SHISA9: variants seen among roughly 807,000 people sequenced by gnomAD.
SHISA9 encodes protein shisa-9.
In SHISA9, 13 loss-of-function variants were observed where a neutral mutation model predicts 38.0. That is an observed-to-expected ratio of 0.34 (90% CI 0.22 to 0.54). The LOEUF is 0.54. SHISA9 is among the 20% of genes least tolerant of loss of function. The pLI, the probability that SHISA9 is intolerant of heterozygous loss-of-function variation, is 0.91. For missense variants in SHISA9, 538 were observed against 575.8 expected, an observed-to-expected ratio of 0.93 and a Z score of 0.67; for synonymous variants, 275 against 242.0, an observed-to-expected ratio of 1.14 and a Z score of -1.27.
At chr16:13,401,505 G>C in the SHISA9 span, among the ~76,000 whole-genome samples, 3 of 152,074 alleles carry the variant, frequency 2.0e-5, no homozygotes, top group Non-Finnish European at 2.9e-5. Context: ...CAGTGGGACT[G>C]TATTTGAACA....
the SHISA9 span, among the ~76,000 whole-genome samples, chr16:13,375,591 G>T: frequency 6.6e-6 from 1 of 152,144 alleles, no homozygotes; most frequent in Non-Finnish European, 1.5e-5. Flanking sequence ...AGTATAGTTT[G>T]AAGTCAGGTA....
rs956217233 is a variant in SHISA9 at position 13,240,181 on chromosome 16, G to GT, written c.*4778dup. The GT allele has an allele frequency of 6.6e-6, 1 of 152,126 alleles. No individual in the cohort carries two copies. The highest frequency in any genetic ancestry group is 2.4e-5 in the African/African-American group (1 of 41,410). The allele number at this position is 152,126 out of a possible 1,614,324, so 9.4% of individuals were successfully genotyped here. The stretch of plus-strand genomic sequence containing the variant: ...TGGCCTCCCCATCTAACTCTTCCCA[G>GT]TTTTTTGTGTAAATGGAGCATATTT... On this transcript the variant is annotated 3_prime_UTR_variant, in exon 5 of 5. Transcript: ENST00000558583.
chr16:13,015,683 C>T (rs1371255405), intron 2 of SHISA9, among the ~76,000 whole-genome samples: 2 of 152,102 alleles, frequency 1.3e-5, no homozygotes, highest in African/African-American at 2.4e-5. Flanking sequence ...CTGAAGGGGA[C>T]TGTTACCCTA....
chr16:13,037,364 T>C (rs530613260), intron 2 of SHISA9, among the ~76,000 whole-genome samples: 13 of 152,168 alleles, frequency 8.5e-5, no homozygotes, highest in East Asian at 3.9e-4. Flanking sequence ...GCTTTTTTTT[T>C]TCTCTCTCTC....
chr16:13,265,388 TTCCTC>T, the SHISA9 span, among the ~76,000 whole-genome samples: 4 of 78,132 alleles, frequency 5.1e-5, no homozygotes, highest in Non-Finnish European at 9.7e-5. Context: ...CTTCCCTCCC[TTCCTC>T]TCCTCTCCTC....
the SHISA9 span, among the ~76,000 whole-genome samples, chr16:13,386,318 C>T: frequency 6.6e-6 from 1 of 152,072 alleles, no homozygotes; most frequent in Non-Finnish European, 1.5e-5. Flanking sequence ...CAATGGTTTC[C>T]ATCTGTAGTC....
chr16:13,158,774 AGC>A (rs938578014), intron 2 of SHISA9, among the ~76,000 whole-genome samples: 4 of 152,050 alleles, frequency 2.6e-5, no homozygotes, highest in African/African-American at 9.7e-5. Context: ...AACACAGCAA[AGC>A]CCAGGCATGG....
In SHISA9 at chr16:12,916,691, C is replaced by T. The variant is rs1034201396; in HGVS notation, c.567C>T (p.Ala189=). The change falls in exon 2 of 5, where the codon GCC becomes GCT. Residue 189 remains alanine, a synonymous_variant. Coordinates refer to ENST00000558583, the MANE Select transcript of SHISA9 (RefSeq NM_001145204.3). ...HRPQREHMSR[A]LADVMRPQGH... ...TTTAAATTCTTTCTTCTTTCAGGGC[C>T]CTTGCGGATGTCATGAGACCACAGG... The T allele has an allele frequency of 1.1e-5, 17 of 1,549,322 alleles. No individual in the cohort carries two copies. Among genetic ancestry groups the T allele is most frequent in the Non-Finnish European group, 1.5e-5 (17 of 1,146,272 alleles).
chr16:12,903,941 ATT>A (rs35536642), intron 1 of SHISA9, among the ~76,000 whole-genome samples: 2 of 148,574 alleles, frequency 1.3e-5, no homozygotes, highest in Admixed American at 1.3e-4. Context: ...ATCCGATGAG[ATT>A]TTTTTTTTTC....
chr16:12,947,618 A>C (rs2071704242), intron 2 of SHISA9, among the ~76,000 whole-genome samples: 1 of 152,248 alleles, frequency 6.6e-6, no homozygotes, highest in African/African-American at 2.4e-5. Context: ...ACATCGGGAC[A>C]GCAGCTCTTG....
intron 4 of SHISA9, among the ~76,000 whole-genome samples, chr16:13,233,083 T>C (rs1410655489): frequency 6.6e-6 from 1 of 152,204 alleles, no homozygotes; most frequent in Non-Finnish European, 1.5e-5. Flanking sequence ...CTTTCTTCTT[T>C]GTCATGTAAT....
chr16:13,192,725 A>G (rs1162184733), intron 2 of SHISA9, among the ~76,000 whole-genome samples: 38 of 152,094 alleles, frequency 2.5e-4, no homozygotes, highest in Admixed American at 2.4e-3. Context: ...AATACAAAAA[A>G]TTACCCGGGC....
At chr16:13,259,073 C>G in the SHISA9 span, among the ~76,000 whole-genome samples, 1 of 152,142 alleles carries the variant, frequency 6.6e-6, no homozygotes, top group Non-Finnish European at 1.5e-5. Flanking sequence ...CCTGTAAAAT[C>G]GAAAGCAAGC....
At chr16:13,037,111 C>CAGACAG (rs1318865575) in intron 2 of SHISA9, among the ~76,000 whole-genome samples, 2,349 of 53,572 alleles carry the variant, frequency 0.044, 107 homozygotes, top group African/African-American at 0.13. Flanking sequence ...CACACACAGA[C>CAGACAG]ACACACACAC....
Position 13,146,585 on chromosome 16 carries a change from A to G in SHISA9, c.692-56809A>G, listed in dbSNP as rs1192187740. ...GATCAATTATTGTTGTCTGTAGTCT[A>G]GGTCCACAGCTTTTAAAGCCAACAT... On this transcript the variant is annotated intron_variant, in intron 2 of 4. Transcript: ENST00000558583. Among the ~76,000 whole-genome samples the G allele has an allele frequency of 3.9e-5, 6 of 152,192 alleles. No individual in the cohort carries two copies. The East Asian group carries it at 1.2e-3, about 29-fold the overall frequency.
chr16:12,946,231 T>A (rs2071686815), intron 2 of SHISA9, among the ~76,000 whole-genome samples: 1 of 152,222 alleles, frequency 6.6e-6, no homozygotes, highest in Admixed American at 6.5e-5. Flanking sequence ...CCATGCTGTT[T>A]TGGTTACTGT....
the SHISA9 span, among the ~76,000 whole-genome samples, chr16:13,266,403 G>C: frequency 4.0e-5 from 6 of 150,902 alleles, no homozygotes; most frequent in Non-Finnish European, 8.9e-5. Context: ...TAAGATGAAG[G>C]CTCTCTGTCT....
intron 2 of SHISA9, among the ~76,000 whole-genome samples, chr16:13,002,793 A>G (rs910350318): frequency 1.3e-5 from 2 of 152,018 alleles, no homozygotes; most frequent in African/African-American, 2.4e-5. Flanking sequence ...TCGCCCTCCC[A>G]AAGTGTTAGG....
the SHISA9 span, among the ~76,000 whole-genome samples, chr16:13,476,220 C>G: frequency 6.6e-6 from 1 of 152,136 alleles, no homozygotes; most frequent in African/African-American, 2.4e-5. Flanking sequence ...CCCAGACTTT[C>G]AAAAAGTATC....
Sources: allele counts gnomAD v4.1 joint callset (sites outside exome capture counted in the v4.1 genomes callset), GRCh38; gene constraint gnomAD v4.1.1; transcripts MANE v1.5; gene names NCBI Gene and HGNC (gene_info 2026-07-23, HGNC 2026-07-21).